PKD1L3: variants seen among roughly 807,000 people sequenced by gnomAD.
The protein encoded by PKD1L3 is polycystin-1-like protein 3.
PKD1L3 carries 239 observed loss-of-function variants against 184.1 expected under a neutral mutation model. The observed-to-expected ratio is 1.30, with a 90% CI of 1.17 to 1.45. PKD1L3 has a LOEUF of 1.45. Among genes scored for constraint, PKD1L3 ranks in the 40% most tolerant of loss-of-function variants. The probability of loss-of-function intolerance (pLI) is 0.00; values close to 1 mark genes in which losing one functional copy is unlikely to be tolerated. For synonymous variants in PKD1L3, 996 were observed against 778.8 expected (o/e 1.28, Z -4.64); for missense variants, 2,660 against 2,067.2 (o/e 1.29, Z -5.56).
chr16:71,967,932 G>A lies in PKD1L3; in HGVS notation c.2260C>T (p.Arg754Ter), dbSNP rs202207513. The A allele has an allele frequency of 5.2e-5, 80 of 1,551,276 alleles. 1 individual carries two copies. Among genetic ancestry groups the A allele is most frequent in the East Asian group, 1.2e-4 (5 of 40,934 alleles). The change falls in exon 14 of 30, where the codon CGA (arginine) becomes TGA (stop). Residue 754 changes from arginine to a stop codon, truncating the protein, a stop_gained. Transcript: ENST00000620267. LOFTEE classifies it high-confidence loss of function. ...TTAGCTGTTGTAGCAGCGCTTCTTCGATATCCGGTGTAGACCTGAATAAGG... is the reference window on the plus strand; with the variant it reads ...TTAGCTGTTGTAGCAGCGCTTCTTCAATATCCGGTGTAGACCTGAATAAGG... ...HYLIQVYTGY[R>*]RSAATTAKVV...
chr16:71,982,093 C>T lies in PKD1L3; in HGVS notation c.1109G>A (p.Gly370Glu). The T allele has an allele frequency of 6.4e-7, 1 of 1,550,746 alleles. No individual in the cohort carries two copies. Among genetic ancestry groups the T allele is most frequent in the South Asian group, 1.2e-5 (1 of 83,758 alleles). ...ATGACGCTTGGATTCCAGCCAACTT[C>T]CTTCTCCAGCTTTGGTGACATTGTT... Reference protein sequence around the residue: ...SLNNVTKAGEGSWLESKRHTE... With the variant: ...SLNNVTKAGEESWLESKRHTE... Residue 370 changes from glycine (G) to glutamate (E), a missense_variant, in exon 7 of 30, where the codon GGA becomes GAA. By Grantham distance (98) the Gly-to-Glu change is moderately conservative (BLOSUM62 -2). Transcript: ENST00000620267.
chr16:71,947,287 G>A (rs2038653693), intron 22 of PKD1L3, among the ~76,000 whole-genome samples: 1 of 152,062 alleles, frequency 6.6e-6, no homozygotes, highest in African/African-American at 2.4e-5. Context: ...AAATGCAGGG[G>A]AGAGATGAAG....
At position 71,949,867 on chromosome 16, in the gene PKD1L3, T is replaced by C. The variant is rs769199047; in HGVS notation, c.3534A>G (p.Glu1178=). ...SAFFTALYSL[E]LSKDQATSWM... ...AGCTGGTGGCTTGGTCTTTGCTCAA[T>C]TCCAAGCTATAAAGTGCTGTAAAAA... The change falls in exon 21 of 30, where the codon GAA becomes GAG. Residue 1178 remains glutamate (E), a synonymous_variant. Coordinates refer to ENST00000620267, the MANE Select transcript of PKD1L3 (RefSeq NM_181536.2). 1.3e-6 allele frequency: 2 copies of C among 1,551,648 alleles called. No homozygotes were observed. Among genetic ancestry groups the C allele is most frequent in the South Asian group, 2.4e-5 (2 of 84,062 alleles).
In PKD1L3 at chr16:71,977,362, A is replaced by G. The variant is rs1559399; in HGVS notation, c.1633T>C (p.Leu545=). The G allele has an allele frequency of 0.78, 1,205,444 of 1,549,148 alleles. 471,114 individuals are homozygous for G. The highest frequency in any genetic ancestry group is 0.85 in the South Asian group (71,678 of 84,004). The part of the protein sequence containing the change: ...TVNVTSLEKS[L]IVSIDPDSPL... ...CTGTCAGGATCTATGCTCACTATCAAGGATTTCTCCAAGGAAGTGACGTTC... is the reference window on the plus strand; with the variant it reads ...CTGTCAGGATCTATGCTCACTATCAGGGATTTCTCCAAGGAAGTGACGTTC... Residue 545 remains leucine (L), a synonymous_variant, in exon 11 of 30, where the codon TTG becomes CTG. Transcript: ENST00000620267.
chr16:71,958,372 G>C (rs2039131038), intron 16 of PKD1L3, among the ~76,000 whole-genome samples: 1 of 134,392 alleles, frequency 7.4e-6, no homozygotes, highest in African/African-American at 2.8e-5. Context: ...GGGCGACAGA[G>C]CGAGACTCCG....
chr16:71,946,924 A>G (rs1339337919), intron 22 of PKD1L3, among the ~76,000 whole-genome samples: 323 of 37,062 alleles, frequency 8.7e-3, no homozygotes, highest in East Asian at 0.016. Context: ...GAGAGAGAGA[A>G]AGGGAGAGAG....
At chr16:71,982,858 T>C (rs1286215752) in intron 6 of PKD1L3, among the ~76,000 whole-genome samples, 3 of 152,072 alleles carry the variant, frequency 2.0e-5, no homozygotes, top group Non-Finnish European at 4.4e-5. Flanking sequence ...CCTCCCAAAG[T>C]GTTTAGATTA....
At chr16:71,959,221 G>A (rs2039175138) in intron 16 of PKD1L3, among the ~76,000 whole-genome samples, 1 of 151,966 alleles carries the variant, frequency 6.6e-6, no homozygotes, top group African/African-American at 2.4e-5. Context: ...AGACCAGCCC[G>A]ACCAACATGG....
In PKD1L3 at chr16:71,970,009, C is replaced by T; in HGVS notation, c.2050G>A (p.Val684Ile). Residue 684 changes from valine (V) to isoleucine (I), a missense_variant, in exon 13 of 30, where the codon GTT (valine) becomes ATT (isoleucine). By Grantham distance (29) the Val-to-Ile change is conservative. Transcript: ENST00000620267. ...AGGAACAGTTTGATCGTGTCTTCAA[C>T]ATTCACGGTCCTGGGCACGACAAAG... ...DFFVVPRTVN[V>I]EDTIKLFLRV... 1 of 1,551,714 alleles carries T rather than the reference C, an allele frequency of 6.4e-7. No homozygotes were observed. The highest frequency in any genetic ancestry group is 8.7e-7 in the Non-Finnish European group (1 of 1,147,016).
intron 23 of PKD1L3, among the ~76,000 whole-genome samples, chr16:71,943,580 T>C (rs1308431778): frequency 8.1e-6 from 1 of 123,022 alleles, no homozygotes; most frequent in Non-Finnish European, 1.7e-5. Context: ...GCACAAGAAA[T>C]ATGGTGTTTA....
chr16:71,995,088 C>A (rs2040737601), intron 2 of PKD1L3, among the ~76,000 whole-genome samples: 1 of 152,134 alleles, frequency 6.6e-6, no homozygotes, highest in African/African-American at 2.4e-5. Flanking sequence ...TTATAAAGAA[C>A]AGAAATCTAA....
intron 7 of PKD1L3, among the ~76,000 whole-genome samples, chr16:71,980,916 G>A (rs929860180): frequency 7.2e-5 from 11 of 152,114 alleles, no homozygotes; most frequent in African/African-American, 1.4e-4. Context: ...AGGCAACAAC[G>A]AATCTACTTT....
chr16:71,953,974 A>T, intron 17 of PKD1L3, 131 bp downstream of exon 17: 1 of 720,910 alleles, frequency 1.4e-6, no homozygotes, highest in Non-Finnish European at 2.1e-6. Context: ...CTAGCACTTC[A>T]GGAGGCTGAG....
At chr16:71,978,816 A>C (rs1190678077) in intron 9 of PKD1L3, among the ~76,000 whole-genome samples, 1 of 152,124 alleles carries the variant, frequency 6.6e-6, no homozygotes, top group East Asian at 1.9e-4. Context: ...TTGAGATTAC[A>C]GGCTTGAGCT....
intron 12 of PKD1L3, among the ~76,000 whole-genome samples, chr16:71,970,677 G>A (rs911766779): frequency 7.9e-5 from 12 of 152,114 alleles, no homozygotes; most frequent in African/African-American, 2.4e-4. Flanking sequence ...GCTTGGAGGC[G>A]CATGCCTGTA....
intron 11 of PKD1L3, 55 bp from the exon 12 acceptor site, chr16:71,973,572 G>A (rs2039804509): frequency 7.1e-7 from 1 of 1,415,736 alleles, no homozygotes; most frequent in African/African-American, 1.4e-5. Context: ...AAACACCAAT[G>A]AACCTCTCTT....
In PKD1L3 at chr16:71,947,474, T is replaced by TA. The variant is rs1323715337; in HGVS notation, c.3718+17dup. 3 of 1,489,686 alleles carry TA rather than the reference T, an allele frequency of 2.0e-6. No individual in the cohort carries two copies. In the East Asian group the frequency reaches 7.4e-5, roughly 37 times the overall value. 92.3% of individuals were successfully genotyped at this position (1,489,686 alleles called of 1,614,324 possible). A position where few individuals can be genotyped will look rare whatever the true frequency, so the allele number is the denominator to read the frequency against. ...GCTTTTTGCAAAATTAGGTAGTTGT[T>TA]AGAACTACTTGAGTTACCCAAGAGT... On this transcript the variant is annotated intron_variant, in intron 22 of 29. Coordinates refer to ENST00000620267, the MANE Select transcript of PKD1L3 (RefSeq NM_181536.2).
At chr16:71,940,507 T>C (rs1567492696) in intron 24 of PKD1L3, among the ~76,000 whole-genome samples, 1 of 152,098 alleles carries the variant, frequency 6.6e-6, no homozygotes, top group African/African-American at 2.4e-5. Flanking sequence ...TTATTTTTTT[T>C]TTATTTTTTT....
chr16:71,977,519 C>A, intron 10 of PKD1L3, 52 bp from the exon 11 acceptor site: 144 of 1,166,662 alleles, frequency 1.2e-4, no homozygotes, highest in Non-Finnish European at 1.6e-4. Context: ...TGATGTCTTT[C>A]AAAATCCTTT....
Sources: gnomAD v4.1 joint callset for allele counts (sites outside exome capture counted in the v4.1 genomes callset) on GRCh38, gnomAD v4.1.1 for gene constraint, MANE v1.5 for transcripts, NCBI Gene and HGNC (gene_info 2026-07-23, HGNC 2026-07-21) for gene names.